The following PLCE1 variants were observed in gnomAD, a reference collection of about 807,000 sequenced individuals.
PLCE1 encodes the protein 1-phosphatidylinositol 4,5-bisphosphate phosphodiesterase epsilon-1.
Under a neutral mutation model 242.8 loss-of-function variants are expected in PLCE1, and 119 were observed. The observed-to-expected ratio is 0.49, with a 90% CI of 0.42 to 0.57. The LOEUF is 0.57. Among genes scored for constraint, PLCE1 ranks in the 20% least tolerant of loss-of-function variants. The pLI, the probability that PLCE1 is intolerant of heterozygous loss-of-function variation, is 0.00. For missense variants in PLCE1, 2,441 were observed against 2,788.8 expected (o/e 0.88, Z 2.81); for synonymous variants, 945 against 1,017.4 (o/e 0.93, Z 1.35).
chr10:94,291,639 A>T (rs941931355), intron 22 of PLCE1, among the ~76,000 whole-genome samples: 2 of 152,174 alleles, frequency 1.3e-5, no homozygotes, highest in East Asian at 3.9e-4. Context: ...GCAATAAAGT[A>T]TCTAGTGTGA....
rs140524972 is a variant in PLCE1, at chr10:94,216,271, C to A, written c.1810-11035C>A. On this transcript the variant is annotated intron_variant, in intron 4 of 32. Transcript: ENST00000371380. ...CAGCACTGCCCAGTTGAGATCTCCT[C>A]GGTGAGGAGAGGTAAAGGAGCACTC... Among the ~76,000 whole-genome samples, 556 of 152,158 alleles carry A rather than the reference C, an allele frequency of 3.7e-3. 4 individuals are homozygous for A. Among genetic ancestry groups the A allele is most frequent in the Middle Eastern group, 0.017 (5 of 292 alleles).
At chr10:94,094,966 C>A (rs2045248270) in intron 2 of PLCE1, among the ~76,000 whole-genome samples, 1 of 152,226 alleles carries the variant, frequency 6.6e-6, no homozygotes, top group African/African-American at 2.4e-5. Flanking sequence ...AGATTAAAAA[C>A]TTATTAGCAA....
intron 4 of PLCE1, among the ~76,000 whole-genome samples, chr10:94,182,670 T>G (rs1453549946): frequency 6.6e-6 from 1 of 152,188 alleles, no homozygotes; most frequent in African/African-American, 2.4e-5. Flanking sequence ...TACTACAAAA[T>G]GGAGGATGTG....
At chr10:94,230,983 C>A (rs2050124167) in intron 5 of PLCE1, among the ~76,000 whole-genome samples, 1 of 152,056 alleles carries the variant, frequency 6.6e-6, no homozygotes, top group Admixed American at 6.6e-5. Flanking sequence ...AACTGTCTAT[C>A]CCTAATAACC....
chr10:94,102,614 A>G (rs989706804), intron 2 of PLCE1, among the ~76,000 whole-genome samples: 6 of 152,176 alleles, frequency 3.9e-5, no homozygotes, highest in African/African-American at 1.4e-4. Flanking sequence ...AGTGTGTTTG[A>G]GTGACCTGAC....
chr10:94,197,169 C>G (rs956390361), intron 4 of PLCE1, among the ~76,000 whole-genome samples: 2 of 152,146 alleles, frequency 1.3e-5, no homozygotes, highest in Non-Finnish European at 2.9e-5. Context: ...TGAATCAGTA[C>G]TTCATTTCTT....
intron 4 of PLCE1, among the ~76,000 whole-genome samples, chr10:94,191,746 A>G (rs183271935): frequency 6.6e-6 from 1 of 152,220 alleles, no homozygotes; most frequent in Non-Finnish European, 1.5e-5. Flanking sequence ...AAGGGTTGCC[A>G]TAAAGATGAA....
chr10:94,231,522 C>T (rs2050142860), intron 5 of PLCE1, among the ~76,000 whole-genome samples: 1 of 151,878 alleles, frequency 6.6e-6, no homozygotes, highest in African/African-American at 2.4e-5. Flanking sequence ...AGTCACTTTC[C>T]TAGTTAACAC....
chr10:94,231,743 A>T (rs976697129), intron 5 of PLCE1, among the ~76,000 whole-genome samples: 2 of 152,194 alleles, frequency 1.3e-5, no homozygotes, highest in Non-Finnish European at 2.9e-5. Context: ...TCAGATCATC[A>T]GGCATTAGAT....
chr10:94,125,823 C>A (rs950353736), intron 2 of PLCE1, among the ~76,000 whole-genome samples: 12 of 152,142 alleles, frequency 7.9e-5, no homozygotes, highest in African/African-American at 2.9e-4. Flanking sequence ...AAATTGACCC[C>A]ACTTGACAAT....
At chr10:94,007,699 C>CTTTTTTTTTTTT (rs80098906) in intron 1 of PLCE1, among the ~76,000 whole-genome samples, 2 of 64,130 alleles carry the variant, frequency 3.1e-5, no homozygotes, top group African/African-American at 6.0e-5. Context: ...AGCCTACTTT[C>CTTTTTTTTTTTT]TTTTTTTTTT....
intron 3 of PLCE1, among the ~76,000 whole-genome samples, chr10:94,153,324 G>A (rs762918637): frequency 1.3e-5 from 2 of 151,902 alleles, no homozygotes; most frequent in Non-Finnish European, 2.9e-5. Flanking sequence ...AAAACCACAT[G>A]GGCATCTCAA....
rs926160100 is a variant in PLCE1, at chr10:94,045,256, C to T, written c.1206+13004C>T. On this transcript the variant is annotated intron_variant, in intron 2 of 32. Transcript: ENST00000371380. ...CCTCTTGCCTCAGCCCCCTGAGAAG[C>T]TGGGAATATGGGCTCGTGCCACCAC... Among the ~76,000 whole-genome samples the T allele has an allele frequency of 1.6e-4, 25 of 152,074 alleles. 1 individual carries two copies. The highest frequency in any genetic ancestry group is 3.5e-4 in the Non-Finnish European group (24 of 67,992).
chr10:94,064,554 A>G (rs940553448), intron 2 of PLCE1, among the ~76,000 whole-genome samples: 3 of 152,094 alleles, frequency 2.0e-5, no homozygotes, highest in East Asian at 1.9e-4. Flanking sequence ...AAAAATAATA[A>G]AAGAAAGACC....
intron 4 of PLCE1, among the ~76,000 whole-genome samples, chr10:94,200,405 G>C (rs1006633169): frequency 6.6e-6 from 1 of 152,152 alleles, no homozygotes; most frequent in Non-Finnish European, 1.5e-5. Context: ...AACTGAAAGA[G>C]CTCCCAACAG....
At chr10:94,007,433 A>G (rs2061059929) in intron 1 of PLCE1, among the ~76,000 whole-genome samples, 1 of 152,178 alleles carries the variant, frequency 6.6e-6, no homozygotes, top group Non-Finnish European at 1.5e-5. Context: ...CCAAGTGGGA[A>G]CTAGTTCCAC....
chr10:94,254,246 CA>C lies in PLCE1; in HGVS notation c.3339del (p.Glu1114SerfsTer21), dbSNP rs918508213. On this transcript the variant is annotated frameshift_variant, in exon 10 of 33. Coordinates refer to ENST00000371380, the MANE Select transcript of PLCE1 (RefSeq NM_016341.4). LOFTEE classifies it high-confidence loss of function. ...TGGCAACCCGAAAGGCCAAGATGCA[CA>C]AAGAGTGTCGAAGCCGGAGTGGTTC... Reference protein sequence around the residue: ...EMATRKAKMHKECRSRSGSDP... With the variant: ...EMATRKAKMHXECRSRSGSDP... 1 of 1,614,010 alleles carries C rather than the reference CA, an allele frequency of 6.2e-7. No homozygotes were observed. Among genetic ancestry groups the C allele is most frequent in the African/African-American group, 1.3e-5 (1 of 75,018 alleles).
intron 9 of PLCE1, among the ~76,000 whole-genome samples, chr10:94,252,933 G>C (rs144059476): frequency 6.6e-6 from 1 of 152,306 alleles, no homozygotes; most frequent in Non-Finnish European, 1.5e-5. Context: ...AAGACAGCTT[G>C]TTCAAGGAAG....
chr10:94,285,216 A>G (rs555831574), intron 22 of PLCE1, among the ~76,000 whole-genome samples: 9 of 152,318 alleles, frequency 5.9e-5, no homozygotes, highest in Non-Finnish European at 1.0e-4. Context: ...TAAAAGTTAT[A>G]ATACTCATAA....
Sources: allele counts gnomAD v4.1 joint callset (sites outside exome capture counted in the v4.1 genomes callset), GRCh38; gene constraint gnomAD v4.1.1; transcripts MANE v1.5; gene names NCBI Gene and HGNC (gene_info 2026-07-23, HGNC 2026-07-21).